ITPR2: variants seen among roughly 807,000 people sequenced by gnomAD.
The protein encoded by ITPR2 is inositol 1,4,5-trisphosphate-gated calcium channel ITPR2.
Under a neutral mutation model 317.1 loss-of-function variants are expected in ITPR2, and 207 were observed. The observed-to-expected ratio is 0.65, with a 90% CI of 0.58 to 0.73. The LOEUF is 0.73. Ranked by LOEUF, ITPR2 falls within the 30% of genes least tolerant of loss-of-function variation. The pLI, the probability that ITPR2 is intolerant of heterozygous loss-of-function variation, is 0.00. For missense variants in ITPR2, 2,613 were observed against 3,284.0 expected, an observed-to-expected ratio of 0.80 and a Z score of 4.99; for synonymous variants, 1,156 against 1,149.1, an observed-to-expected ratio of 1.01 and a Z score of -0.12.
At chr12:26,478,663 TAA>T (rs1305706870) in intron 43 of ITPR2, among the ~76,000 whole-genome samples, 3 of 152,306 alleles carry the variant, frequency 2.0e-5, no homozygotes, top group East Asian at 1.9e-4. Context: ...ATTGATAGTA[TAA>T]GAGTCTATAT....
intron 2 of ITPR2, among the ~76,000 whole-genome samples, chr12:26,782,062 AGAGAGAGAGAGC>A (rs1391580033): frequency 1.0e-4 from 14 of 137,544 alleles, no homozygotes; most frequent in African/African-American, 2.6e-4. Context: ...AGAGAGAGAG[AGAGAGAGAGAGC>A]GAGAGAGATC....
At chr12:26,486,032 G>C (rs766094005) in intron 41 of ITPR2, 72 bp downstream of exon 41, 2 of 1,514,658 alleles carry the variant, frequency 1.3e-6, no homozygotes, top group African/African-American at 1.4e-5. Context: ...ACTACTTGTT[G>C]GTTTTATTTG....
At chr12:26,465,016 G>C (rs1942134561) in intron 45 of ITPR2, among the ~76,000 whole-genome samples, 1 of 152,202 alleles carries the variant, frequency 6.6e-6, no homozygotes, top group Non-Finnish European at 1.5e-5. Flanking sequence ...GCAGAAGACA[G>C]GCCCACGCTG....
intron 2 of ITPR2, among the ~76,000 whole-genome samples, chr12:26,745,537 G>A (rs60622290): frequency 0.046 from 6,955 of 152,244 alleles, 529 homozygotes; most frequent in African/African-American, 0.16. Context: ...GAAGAAGCAC[G>A]CTTGAACTCC....
intron 2 of ITPR2, among the ~76,000 whole-genome samples, chr12:26,784,714 TGCCTTG>T (rs1950180750): frequency 6.6e-6 from 1 of 151,406 alleles, no homozygotes; most frequent in African/African-American, 2.4e-5. Flanking sequence ...CCCAACCGCC[TGCCTTG>T]GCCCCCCAAA....
chr12:26,602,499 T>C lies in ITPR2; in HGVS notation c.3553-4A>G, dbSNP rs775171854. 2 of 1,608,108 alleles carry C rather than the reference T, an allele frequency of 1.2e-6. No individual in the cohort carries two copies. The highest frequency in any genetic ancestry group is 2.2e-5 in the South Asian group (2 of 89,372). ...GTTTACTTAGCCTGATCAAAATCTT[T>C]AAAAGGAAGAGGGAAAGCATCAAAT... On this transcript the variant is annotated splice_polypyrimidine_tract_variant and splice_region_variant and intron_variant, in intron 27 of 56. Coordinates refer to ENST00000381340, the MANE Select transcript of ITPR2 (RefSeq NM_002223.4).
chr12:26,471,757 G>A (rs1942295743), intron 45 of ITPR2, among the ~76,000 whole-genome samples: 1 of 152,188 alleles, frequency 6.6e-6, no homozygotes, highest in Non-Finnish European at 1.5e-5. Flanking sequence ...CTTGGTTTTG[G>A]AATTACTAAA....
intron 54 of ITPR2, 108 bp from the exon 55 acceptor site, chr12:26,387,702 A>G: frequency 1.0e-6 from 1 of 997,566 alleles, no homozygotes; most frequent in East Asian, 2.6e-5. Context: ...TGCTTTCAGT[A>G]AGAGTGTGCC....
chr12:26,720,613 A>C (rs1162383145), intron 5 of ITPR2, among the ~76,000 whole-genome samples: 1 of 152,192 alleles, frequency 6.6e-6, no homozygotes, highest in Middle Eastern at 3.2e-3. Flanking sequence ...GCAAACAAAA[A>C]CGGTGAGCTG....
At chr12:26,381,991 G>C (rs1279203747) in intron 55 of ITPR2, among the ~76,000 whole-genome samples, 1 of 152,106 alleles carries the variant, frequency 6.6e-6, no homozygotes. Context: ...AAAGTCTTGG[G>C]TATTTTTTCT....
At chr12:26,804,322 T>G (rs542161041) in intron 1 of ITPR2, among the ~76,000 whole-genome samples, 2 of 152,332 alleles carry the variant, frequency 1.3e-5, no homozygotes, top group South Asian at 4.1e-4. Flanking sequence ...GACATTTCTG[T>G]GCACAAAGAA....
At chr12:26,494,510 C>G (rs1173770757) in intron 38 of ITPR2, among the ~76,000 whole-genome samples, 170 bp from the exon 39 acceptor site, 1 of 151,994 alleles carries the variant, frequency 6.6e-6, no homozygotes, top group Non-Finnish European at 1.5e-5. Flanking sequence ...TGGCTCACGC[C>G]TGTAATCCCA....
At chr12:26,676,365 T>C (rs189427945) in intron 13 of ITPR2, among the ~76,000 whole-genome samples, 11 of 150,660 alleles carry the variant, frequency 7.3e-5, no homozygotes, top group African/African-American at 2.4e-4. Context: ...TAATCCCAAC[T>C]ACTCGGGAGG....
intron 55 of ITPR2, among the ~76,000 whole-genome samples, chr12:26,380,648 T>A (rs755367254): frequency 2.6e-5 from 4 of 152,162 alleles, no homozygotes; most frequent in African/African-American, 4.8e-5. Flanking sequence ...AAACTAGAAG[T>A]AATAGAACAG....
intron 5 of ITPR2, among the ~76,000 whole-genome samples, chr12:26,721,690 C>T (rs898996738): frequency 6.6e-6 from 1 of 152,070 alleles, no homozygotes; most frequent in Admixed American, 6.6e-5. Context: ...TTGACTATTT[C>T]TCATAATTTA....
chr12:26,722,448 CCCTT>C lies in ITPR2; in HGVS notation c.470_473del (p.Glu157GlyfsTer12). 6.2e-7 allele frequency: 1 copy of C among 1,613,174 alleles called. No homozygotes were observed. The highest frequency in any genetic ancestry group is 1.1e-5 in the South Asian group (1 of 90,990). ...AGAACGGATGAATATAAAACCAAGA[CCCTT>C]CATTTCCTGCAGCATCCAAGGACAC... On this transcript the variant is annotated frameshift_variant, in exon 5 of 57. Coordinates refer to ENST00000381340, the MANE Select transcript of ITPR2 (RefSeq NM_002223.4). LOFTEE classifies it high-confidence loss of function.
intron 37 of ITPR2, among the ~76,000 whole-genome samples, chr12:26,502,888 G>A (rs1175110368): frequency 6.6e-6 from 1 of 152,166 alleles, no homozygotes; most frequent in Non-Finnish European, 1.5e-5. Context: ...ATTCTGTGAT[G>A]TCTGTTATAT....
At chr12:26,702,418 G>GGGTTTTTTTTTT (rs1948462739) in intron 9 of ITPR2, among the ~76,000 whole-genome samples, 1 of 116,094 alleles carries the variant, frequency 8.6e-6, no homozygotes, top group Non-Finnish European at 1.9e-5. Flanking sequence ...TGGGGGGTTG[G>GGGTTTTTTTTTT]TGTTTTTTTT....
At chr12:26,724,617 C>T in intron 4 of ITPR2, 39 bp downstream of exon 4, 3 of 1,293,896 alleles carry the variant, frequency 2.3e-6, no homozygotes, top group Non-Finnish European at 3.3e-6. Context: ...TGACAAACTC[C>T]ACATAAAATA....
Sources: gnomAD v4.1 joint callset for allele counts (sites outside exome capture counted in the v4.1 genomes callset) on GRCh38, gnomAD v4.1.1 for gene constraint, MANE v1.5 for transcripts, NCBI Gene and HGNC (gene_info 2026-07-23, HGNC 2026-07-21) for gene names.